The following C10orf71 variants were observed in gnomAD, a reference collection of about 807,000 sequenced individuals.
C10orf71 encodes the protein chromosome 10 open reading frame 71.
For synonymous variants in C10orf71, 758 were observed against 726.3 expected (o/e 1.04, Z -0.70); for missense variants, 1,869 against 1,804.5 (o/e 1.04, Z -0.65).
rs369150570 is a variant in C10orf71, at chr10:49,323,895, C to G, written c.1350C>G (p.Ile450Met). 1.7e-5 allele frequency: 27 copies of G among 1,613,574 alleles called. No individual in the cohort carries two copies. The highest frequency in any genetic ancestry group is 2.1e-5 in the Non-Finnish European group (25 of 1,179,836). Residue 450 changes from isoleucine (I) to methionine (M), a missense_variant, in exon 3 of 3, where the codon ATC (isoleucine) becomes ATG (methionine). Coordinates refer to ENST00000374144, the MANE Select transcript of C10orf71 (RefSeq NM_001135196.2). ...PFNISKLLTP[I>M]IPSKHALDSA... is the part of the protein sequence containing the mutation. The stretch of plus-strand genomic sequence containing the variant: ...ACATCAGTAAGCTCCTGACCCCCAT[C>G]ATACCCAGCAAGCACGCCCTGGATT...
At chr10:49,308,457 A>G (rs1316897418) in intron 1 of C10orf71, among the ~76,000 whole-genome samples, 1 of 152,236 alleles carries the variant, frequency 6.6e-6, no homozygotes, top group African/African-American at 2.4e-5. Context: ...GCCAGGCTGC[A>G]GGCTGACACC....
rs569250483 is a variant in C10orf71 at position 49,323,733 on chromosome 10, T to C, written c.1188T>C (p.Asp396=). The C allele has an allele frequency of 2.9e-5, 47 of 1,613,904 alleles. No individual in the cohort carries two copies. The South Asian group carries it at 4.7e-4, about 16-fold the overall frequency. Residue 396 remains aspartate (D), a synonymous_variant, in exon 3 of 3, where the codon GAT becomes GAC. Coordinates refer to ENST00000374144, the MANE Select transcript of C10orf71 (RefSeq NM_001135196.2). The part of the protein sequence containing the change: ...TGKKGKESLQ[D]TLEEKTQTNQ... ...AAAAAGGGAAAGAAAGTCTACAAGA[T>C]ACTTTAGAAGAAAAGACACAGACCA...
In C10orf71 at chr10:49,322,577, C is replaced by T. The variant is rs377090655; in HGVS notation, c.32C>T (p.Ala11Val). MMQGNKKCTD[A>V]FSDSSSIGSV... ...CAAGGAAATAAGAAGTGCACAGACG[C>T]GTTCAGCGACTCCTCCAGCATCGGC... The change falls in exon 3 of 3, where the codon GCG becomes GTG. Residue 11 changes from alanine to valine, a missense_variant. Transcript: ENST00000374144. 2.1e-5 allele frequency: 34 copies of T among 1,611,674 alleles called. No individual in the cohort carries two copies. The highest frequency in any genetic ancestry group is 2.5e-5 in the Non-Finnish European group (29 of 1,178,856).
rs762091617 is a variant in C10orf71 at position 49,324,080 on chromosome 10, G to A, written c.1535G>A (p.Ser512Asn). The change falls in exon 3 of 3, where the codon AGC becomes AAC. Residue 512 changes from serine to asparagine, a missense_variant. Coordinates refer to ENST00000374144, the MANE Select transcript of C10orf71 (RefSeq NM_001135196.2). ...NLKDVRKRVK[S>N]TYSSSPLLKV... ...AAGGACGTGCGGAAGCGTGTTAAGA[G>A]CACATACAGTTCCTCACCTCTCTTG... The A allele has an allele frequency of 1.7e-5, 28 of 1,613,830 alleles. No homozygotes were observed. Among genetic ancestry groups the A allele is most frequent in the Non-Finnish European group, 2.2e-5 (26 of 1,179,898 alleles).
At chr10:49,317,304 C>A (rs1849015538) in intron 2 of C10orf71, among the ~76,000 whole-genome samples, 1 of 152,178 alleles carries the variant, frequency 6.6e-6, no homozygotes, top group South Asian at 2.1e-4. Context: ...GCAGTGCTGG[C>A]CAGGACCTGG....
At chr10:49,316,817 C>T (rs182454919) in intron 2 of C10orf71, among the ~76,000 whole-genome samples, 11 of 152,260 alleles carry the variant, frequency 7.2e-5, no homozygotes, top group African/African-American at 2.4e-4. Context: ...TCTTGGCCCT[C>T]GGGAGCCTCT....
In C10orf71 at chr10:49,325,738, A is replaced by G; in HGVS notation, c.3193A>G (p.Ser1065Gly). ...NSPNPGSPGE[S>G]SACSPAASNI... ...CCCCAACCCCGGCTCCCCCGGGGAG[A>G]GCAGTGCCTGCTCCCCTGCTGCCAG... is the stretch of plus-strand genomic sequence containing the variant. Residue 1065 changes from serine (S) to glycine (G), a missense_variant, in exon 3 of 3, where the codon AGC becomes GGC. By Grantham distance (56) the Ser-to-Gly change is moderately conservative. Coordinates refer to ENST00000374144, the MANE Select transcript of C10orf71 (RefSeq NM_001135196.2). The G allele has an allele frequency of 3.2e-6, 5 of 1,551,436 alleles. No homozygotes were observed. The highest frequency in any genetic ancestry group is 4.4e-6 in the Non-Finnish European group (5 of 1,146,876).
At chr10:49,315,998 A>G (rs1292198099) in intron 1 of C10orf71, 147 bp from the exon 2 acceptor site, 1 of 152,218 alleles carries the variant, frequency 6.6e-6, no homozygotes, top group Non-Finnish European at 1.5e-5. Flanking sequence ...AGATGTTGCA[A>G]TGGGCCAAGA....
At chr10:49,314,083 C>T (rs1363601400) in intron 1 of C10orf71, among the ~76,000 whole-genome samples, 1 of 152,106 alleles carries the variant, frequency 6.6e-6, no homozygotes, top group East Asian at 1.9e-4. Flanking sequence ...CTTAAGTAGA[C>T]AATGGCCACG....
chr10:49,305,247 C>A (rs1848792756), intron 1 of C10orf71, among the ~76,000 whole-genome samples: 1 of 152,096 alleles, frequency 6.6e-6, no homozygotes, highest in Non-Finnish European at 1.5e-5. Flanking sequence ...CCCAAAGTCA[C>A]AGTGTGGTGC....
In C10orf71 at chr10:49,324,993, A is replaced by C; in HGVS notation, c.2448A>C (p.Ser816=). Residue 816 remains serine, a synonymous_variant, in exon 3 of 3, where the codon TCA becomes TCC. Coordinates refer to ENST00000374144, the MANE Select transcript of C10orf71 (RefSeq NM_001135196.2). ...CTGGAGGAAGAACCAGGAAGGCATCAGCAGAGGAAGCTAATTTCAGAGGCT... is the reference window on the plus strand; with the variant it reads ...CTGGAGGAAGAACCAGGAAGGCATCCGCAGAGGAAGCTAATTTCAGAGGCT... The part of the protein sequence containing the change: ...SVSGGRTRKA[S]AEEANFRGSW... The C allele has an allele frequency of 6.4e-7, 1 of 1,551,394 alleles. No individual in the cohort carries two copies. Among genetic ancestry groups the C allele is most frequent in the Non-Finnish European group, 8.7e-7 (1 of 1,146,762 alleles).
chr10:49,307,257 G>A (rs1848830828), intron 1 of C10orf71, among the ~76,000 whole-genome samples: 1 of 152,246 alleles, frequency 6.6e-6, no homozygotes, highest in African/African-American at 2.4e-5. Flanking sequence ...GAGCTCACGA[G>A]GAGAAGCCAA....
intron 1 of C10orf71, among the ~76,000 whole-genome samples, chr10:49,310,459 G>T (rs1848891300): frequency 6.6e-6 from 1 of 152,194 alleles, no homozygotes; most frequent in African/African-American, 2.4e-5. Context: ...AAGGTGGTAA[G>T]GTGGTGAGCC....
chr10:49,322,438 G>C lies in C10orf71; in HGVS notation c.-108G>C. 1.5e-6 allele frequency: 2 copies of C among 1,356,726 alleles called. No individual in the cohort carries two copies. Among genetic ancestry groups the C allele is most frequent in the Non-Finnish European group, 2.0e-6 (2 of 1,022,788 alleles). The allele number at this position is 1,356,726 out of a possible 1,614,324, so 84.0% of individuals were successfully genotyped here. On this transcript the variant is annotated 5_prime_UTR_variant, in exon 3 of 3. Transcript: ENST00000374144. The stretch of plus-strand genomic sequence containing the variant: ...AATCCCCACTTTGCAATTGCATCTG[G>C]TCAATGAGAGGCTCTAGTTTTGGGG...
intron 1 of C10orf71, among the ~76,000 whole-genome samples, chr10:49,300,080 A>G (rs1470601028): frequency 2.6e-5 from 4 of 152,188 alleles, no homozygotes; most frequent in East Asian, 1.9e-4. Flanking sequence ...GGCAGTGGTC[A>G]ATGTGTGTGG....
chr10:49,311,170 G>C (rs1179184460), intron 1 of C10orf71, among the ~76,000 whole-genome samples: 1 of 152,090 alleles, frequency 6.6e-6, no homozygotes, highest in South Asian at 2.1e-4. Context: ...TGTGGTCCCT[G>C]AGTTGGGACC....
chr10:49,325,971 ATTGCTGGATGT>A lies in C10orf71; in HGVS notation c.3427_3437del (p.Leu1143GlyfsTer12). 1 of 1,551,694 alleles carries A rather than the reference ATTGCTGGATGT, an allele frequency of 6.4e-7. No individual in the cohort carries two copies. The highest frequency in any genetic ancestry group is 8.7e-7 in the Non-Finnish European group (1 of 1,146,990). The stretch of plus-strand genomic sequence containing the variant: ...TCCGGACCCTCTCTCCAAGAGGTTC[ATTGCTGGATGT>A]GGCCACCAGCCCAGCAGGCACCTCT... On this transcript the variant is annotated frameshift_variant, in exon 3 of 3. Coordinates refer to ENST00000374144, the MANE Select transcript of C10orf71 (RefSeq NM_001135196.2). LOFTEE classifies it low-confidence loss of function (END_TRUNC).
chr10:49,325,084 T>C lies in C10orf71; in HGVS notation c.2539T>C (p.Ser847Pro). 3 of 1,551,882 alleles carry C rather than the reference T, an allele frequency of 1.9e-6. No homozygotes were observed. The highest frequency in any genetic ancestry group is 2.6e-6 in the Non-Finnish European group (3 of 1,147,052). Residue 847 changes from serine to proline, a missense_variant, in exon 3 of 3, where the codon TCT (serine) becomes CCT (proline). By Grantham distance (74) the Ser-to-Pro change is moderately conservative (BLOSUM62 -1). Coordinates refer to ENST00000374144, the MANE Select transcript of C10orf71 (RefSeq NM_001135196.2). ...QAKDLTPSPS[S>P]ASNRHMLFTI... The stretch of plus-strand genomic sequence containing the variant: ...CAAAGACCTTACTCCCTCACCATCT[T>C]CTGCTTCAAACAGGCACATGCTGTT...
chr10:49,298,376 T>C (rs971562195), upstream of C10orf71, among the ~76,000 whole-genome samples: 2 of 152,130 alleles, frequency 1.3e-5, no homozygotes, highest in African/African-American at 4.8e-5. Flanking sequence ...TAAATCCTGG[T>C]AGCAAGCAGA....
Sources: gnomAD v4.1 joint callset for allele counts (sites outside exome capture counted in the v4.1 genomes callset) on GRCh38, gnomAD v4.1.1 for gene constraint, MANE v1.5 for transcripts, NCBI Gene and HGNC (gene_info 2026-07-23, HGNC 2026-07-21) for gene names.